Variants in TCF7L1 observed in about 807,000 individuals in gnomAD.
TCF7L1 encodes transcription factor 7-like 1.
Under a neutral mutation model 63.7 loss-of-function variants are expected in TCF7L1, and 18 were observed. That is an observed-to-expected ratio of 0.28 (90% CI 0.20 to 0.42). TCF7L1 has a LOEUF of 0.42. Among genes scored for constraint, TCF7L1 ranks in the 10% least tolerant of loss-of-function variants. TCF7L1 has a pLI of 1.00. For synonymous variants in TCF7L1, 355 were observed against 340.9 expected, an observed-to-expected ratio of 1.04 and a Z score of -0.46; for missense variants, 654 against 779.3, an observed-to-expected ratio of 0.84 and a Z score of 1.91.
At chr2:85,161,615 C>A (rs1359117715) in intron 3 of TCF7L1, among the ~76,000 whole-genome samples, 1 of 152,216 alleles carries the variant, frequency 6.6e-6, no homozygotes. Flanking sequence ...TCTGGGGAGC[C>A]AGGTTAACAC....
At chr2:85,212,357 G>T (rs191741040) in intron 3 of TCF7L1, among the ~76,000 whole-genome samples, 21 of 152,276 alleles carry the variant, frequency 1.4e-4, no homozygotes, top group Admixed American at 1.1e-3. Context: ...CAGTACCTGC[G>T]TCCTGATCTT....
At chr2:85,202,590 C>A (rs1448154397) in intron 3 of TCF7L1, among the ~76,000 whole-genome samples, 1 of 152,068 alleles carries the variant, frequency 6.6e-6, no homozygotes, top group Admixed American at 6.5e-5. Flanking sequence ...TCTTAGAGGT[C>A]TTTGATCAAT....
chr2:85,214,822 C>T (rs931789638), intron 3 of TCF7L1, among the ~76,000 whole-genome samples: 1 of 152,068 alleles, frequency 6.6e-6, no homozygotes, highest in Non-Finnish European at 1.5e-5. Flanking sequence ...GAATAAGTAA[C>T]AATAAAGAAA....
intron 3 of TCF7L1, among the ~76,000 whole-genome samples, chr2:85,207,181 C>G (rs1206564828): frequency 6.6e-6 from 1 of 152,210 alleles, no homozygotes; most frequent in African/African-American, 2.4e-5. Flanking sequence ...TTCTATAAAT[C>G]TTGTAAATAA....
chr2:85,306,293 G>A lies in TCF7L1; in HGVS notation c.1077G>A (p.Glu359=). ...ATGCCTTCATGTTGTATATGAAGGA[G>A]ATGAGGGCCAAGGTGGTGGCTGAGT... is the stretch of plus-strand genomic sequence containing the variant. ...PLNAFMLYMK[E]MRAKVVAECT... Residue 359 remains glutamate, a synonymous_variant, in exon 9 of 12, where the codon GAG becomes GAA. Transcript: ENST00000282111. This position sits in a 1 kb window ranked among gnomAD's most constrained non-coding sequence, Gnocchi z 4.3. The A allele has an allele frequency of 6.2e-7, 1 of 1,614,202 alleles. No homozygotes were observed. The highest frequency in any genetic ancestry group is 1.1e-5 in the South Asian group (1 of 91,080).
chr2:85,137,554 G>A (rs1407341492), intron 3 of TCF7L1, among the ~76,000 whole-genome samples: 4 of 152,158 alleles, frequency 2.6e-5, no homozygotes, highest in Admixed American at 6.5e-5. Context: ...AAGGCTTCAC[G>A]GTTTACTAAA....
chr2:85,275,818 G>A (rs1195193973), intron 3 of TCF7L1, among the ~76,000 whole-genome samples: 3 of 151,444 alleles, frequency 2.0e-5, no homozygotes, highest in African/African-American at 7.3e-5. Context: ...TACTTGAGAG[G>A]CTGAGATGGG....
chr2:85,214,357 A>T (rs979616936), intron 3 of TCF7L1, among the ~76,000 whole-genome samples: 1 of 152,202 alleles, frequency 6.6e-6, no homozygotes, highest in African/African-American at 2.4e-5. Context: ...GGGTCCTATG[A>T]GGAGGAGTTA....
chr2:85,142,507 C>T (rs572658747), intron 3 of TCF7L1, among the ~76,000 whole-genome samples: 12 of 149,336 alleles, frequency 8.0e-5, no homozygotes, highest in Admixed American at 4.7e-4. Context: ...TACACACACA[C>T]ACAACACAGA....
intron 6 of TCF7L1, 28 bp downstream of exon 6, chr2:85,304,025 CT>C (rs771160225): frequency 4.1e-5 from 62 of 1,530,454 alleles, no homozygotes; most frequent in Admixed American, 1.9e-4. Context: ...TCTCTTCCCC[CT>C]GCTCCCTCCT....
chr2:85,271,448 C>T (rs1323486402), intron 3 of TCF7L1, among the ~76,000 whole-genome samples: 1 of 152,182 alleles, frequency 6.6e-6, no homozygotes, highest in African/African-American at 2.4e-5. Flanking sequence ...ATAATATCTG[C>T]TTTACCTATA....
chr2:85,249,143 A>T (rs1465477723), intron 3 of TCF7L1, among the ~76,000 whole-genome samples: 2 of 152,204 alleles, frequency 1.3e-5, no homozygotes, highest in Non-Finnish European at 2.9e-5. Flanking sequence ...TTGAAATTTT[A>T]GTTTTTGCTT....
chr2:85,223,339 G>T (rs1250599238), intron 3 of TCF7L1, among the ~76,000 whole-genome samples: 1 of 152,160 alleles, frequency 6.6e-6, no homozygotes, highest in Non-Finnish European at 1.5e-5. Context: ...GGGATTACAG[G>T]CATGAGCCAC....
chr2:85,173,091 C>G (rs574874523), intron 3 of TCF7L1, among the ~76,000 whole-genome samples: 20 of 152,308 alleles, frequency 1.3e-4, no homozygotes, highest in African/African-American at 4.6e-4. Flanking sequence ...CCGCCTTTGC[C>G]CACACACACC....
chr2:85,278,929 G>A (rs1021632903), intron 3 of TCF7L1, among the ~76,000 whole-genome samples: 1 of 152,232 alleles, frequency 6.6e-6, no homozygotes, highest in Non-Finnish European at 1.5e-5. Flanking sequence ...GCTATTGCCA[G>A]GCCATCAGTT....
chr2:85,307,119 A>T (rs540788030), intron 10 of TCF7L1, among the ~76,000 whole-genome samples: 1 of 152,062 alleles, frequency 6.6e-6, no homozygotes, highest in Non-Finnish European at 1.5e-5. Context: ...CCTCGATTTC[A>T]TAACACAGGG....
At chr2:85,239,508 G>A (rs1030067734) in intron 3 of TCF7L1, among the ~76,000 whole-genome samples, 5 of 152,140 alleles carry the variant, frequency 3.3e-5, no homozygotes, top group East Asian at 3.9e-4. Flanking sequence ...GCCCCCAAAC[G>A]CAGTGGGAGC....
chr2:85,184,180 ATG>A (rs1220484596), intron 3 of TCF7L1, among the ~76,000 whole-genome samples: 1 of 152,166 alleles, frequency 6.6e-6, no homozygotes, highest in Non-Finnish European at 1.5e-5. Flanking sequence ...GGAGGTGTCC[ATG>A]TGGGTTAGAA....
intron 3 of TCF7L1, among the ~76,000 whole-genome samples, chr2:85,218,960 T>TC (rs774000342): frequency 6.6e-6 from 1 of 152,040 alleles, no homozygotes; most frequent in South Asian, 2.1e-4. Context: ...GGCCAGGAGT[T>TC]CAAGACCAGC....
Sources: gnomAD v4.1 joint callset for allele counts (sites outside exome capture counted in the v4.1 genomes callset) on GRCh38, gnomAD v4.1.1 for gene constraint, Gnocchi (gnomAD v3.1) non-coding constraint, MANE v1.5 for transcripts, NCBI Gene and HGNC (gene_info 2026-07-23, HGNC 2026-07-21) for gene names.